Variants in NRG3 observed in about 807,000 individuals in gnomAD.
The protein encoded by NRG3 is neuregulin 3.
NRG3 carries 31 observed loss-of-function variants against 66.9 expected under a neutral mutation model. The observed-to-expected ratio is 0.46, with a 90% CI of 0.35 to 0.63. NRG3 has a LOEUF of 0.63. Among genes scored for constraint, NRG3 ranks in the 20% least tolerant of loss-of-function variants. NRG3 has a pLI of 0.00. For synonymous variants in NRG3, 393 were observed against 359.4 expected (o/e 1.09, Z -1.06); for missense variants, 910 against 878.9 (o/e 1.04, Z -0.45).
intron 2 of NRG3, among the ~76,000 whole-genome samples, chr10:82,449,791 GT>G (rs1310788637): frequency 1.3e-5 from 2 of 152,012 alleles, no homozygotes; most frequent in Non-Finnish European, 2.9e-5. Context: ...AATCATATAC[GT>G]TTTTTTGAGC....
intron 1 of NRG3, among the ~76,000 whole-genome samples, chr10:82,289,727 ATT>A (rs1308767017): frequency 6.6e-6 from 1 of 152,162 alleles, no homozygotes; most frequent in Admixed American, 6.5e-5. Context: ...AATGAAAGCC[ATT>A]TTTCCTCAAT....
At chr10:82,097,662 G>A (rs943219555) in intron 1 of NRG3, among the ~76,000 whole-genome samples, 4 of 151,790 alleles carry the variant, frequency 2.6e-5, no homozygotes, top group African/African-American at 9.7e-5. Context: ...TATGATACAT[G>A]CATGTTTAAC....
intron 2 of NRG3, among the ~76,000 whole-genome samples, chr10:82,722,101 G>T (rs1479368679): frequency 6.6e-6 from 1 of 152,156 alleles, no homozygotes; most frequent in Non-Finnish European, 1.5e-5. Context: ...ATAAGTCTTT[G>T]CTTTTTAAGA....
chr10:82,212,021 A>G (rs1485016120), intron 1 of NRG3, among the ~76,000 whole-genome samples: 2 of 152,162 alleles, frequency 1.3e-5, no homozygotes, highest in Non-Finnish European at 1.5e-5. Flanking sequence ...CAGGAGGCAT[A>G]TATTTTAGTT....
chr10:82,647,315 C>T (rs889924048), intron 2 of NRG3, among the ~76,000 whole-genome samples: 10 of 152,138 alleles, frequency 6.6e-5, no homozygotes, highest in Non-Finnish European at 1.3e-4. Flanking sequence ...TCATCCTTGT[C>T]CCTACAAAGG....
At chr10:82,215,963 C>CTTTTTTTTTTTTTT (rs71894841) in intron 1 of NRG3, among the ~76,000 whole-genome samples, 1 of 89,722 alleles carries the variant, frequency 1.1e-5, no homozygotes, top group African/African-American at 4.6e-5. Flanking sequence ...TTATGTTTTC[C>CTTTTTTTTTTTTTT]TTTTTTTTTT....
intron 3 of NRG3, among the ~76,000 whole-genome samples, chr10:82,822,875 G>A (rs1434928615): frequency 6.6e-6 from 1 of 151,896 alleles, no homozygotes; most frequent in Non-Finnish European, 1.5e-5. Context: ...AAAGCTCAAA[G>A]CTTCAAAATA....
At chr10:82,306,804 C>A (rs7894092) in intron 1 of NRG3, among the ~76,000 whole-genome samples, 33,541 of 141,874 alleles carry the variant, frequency 0.24, 4,084 homozygotes, top group Admixed American at 0.29. Flanking sequence ...GGGAAGGGTT[C>A]TTTGACAACT....
intron 1 of NRG3, among the ~76,000 whole-genome samples, chr10:82,134,440 G>A (rs967532126): frequency 2.6e-5 from 4 of 152,072 alleles, no homozygotes; most frequent in East Asian, 3.9e-4. Context: ...TTGGTATATC[G>A]TATAAGGAAA....
chr10:82,019,487 G>T lies in NRG3; in HGVS notation c.823+143324G>T, dbSNP rs1367677068. ...AGGGAGGATTCCCTCTTTTTCTATT[G>T]ATTGGAATAGTTTCAGAAGGAATGG... On this transcript the variant is annotated intron_variant, in intron 1 of 8. Coordinates refer to ENST00000372141, the MANE Select transcript of NRG3 (RefSeq NM_001010848.4). Among the ~76,000 whole-genome samples the T allele has an allele frequency of 2.6e-5, 4 of 152,198 alleles. No homozygotes were observed. In the East Asian group the frequency reaches 7.7e-4, roughly 29 times the overall value.
chr10:82,742,163 T>A (rs1424779899), intron 3 of NRG3, among the ~76,000 whole-genome samples: 4 of 152,274 alleles, frequency 2.6e-5, no homozygotes, highest in Non-Finnish European at 4.4e-5. Flanking sequence ...GTGAAATCCC[T>A]ATTAGCAGGG....
Position 82,045,423 on chromosome 10 carries a change from T to G in NRG3, c.823+169260T>G, listed in dbSNP as rs1398848777. The stretch of plus-strand genomic sequence containing the variant: ...ACTTTTTGATGGGGTTGTTTGTTTT[T>G]TTCTTGTAAATTTGTTTGAGTTCTT... On this transcript the variant is annotated intron_variant, in intron 1 of 8. Transcript: ENST00000372141. 3.4e-3 allele frequency among the ~76,000 whole-genome samples: 319 copies of G among 93,836 alleles called. 4 individuals are homozygous for G. Among genetic ancestry groups the G allele is most frequent in the East Asian group, 0.025 (72 of 2,906 alleles). The allele number at this position is 93,836 out of a possible 152,430, so 61.6% of individuals were successfully genotyped here.
intron 1 of NRG3, among the ~76,000 whole-genome samples, chr10:82,032,840 C>T (rs935679539): frequency 6.6e-6 from 1 of 152,032 alleles, no homozygotes; most frequent in African/African-American, 2.4e-5. Flanking sequence ...TAAGTAGTTT[C>T]CAGGGCACAT....
intron 1 of NRG3, among the ~76,000 whole-genome samples, chr10:81,991,809 TA>T (rs1328252802): frequency 6.6e-6 from 1 of 152,152 alleles, no homozygotes; most frequent in African/African-American, 2.4e-5. Context: ...TTAAGTAAAA[TA>T]ATATCTATCA....
intron 1 of NRG3, among the ~76,000 whole-genome samples, chr10:82,076,554 T>C (rs1475157761): frequency 6.6e-6 from 1 of 152,160 alleles, no homozygotes; most frequent in Non-Finnish European, 1.5e-5. Context: ...TGGGAGGTGT[T>C]TGTATCAGGG....
chr10:82,443,293 T>A (rs1426946317), intron 2 of NRG3, among the ~76,000 whole-genome samples: 3 of 152,080 alleles, frequency 2.0e-5, no homozygotes, highest in African/African-American at 7.2e-5. Context: ...AACCACCAGC[T>A]TCGGTAATTT....
At chr10:82,427,801 A>G (rs2089542085) in intron 2 of NRG3, among the ~76,000 whole-genome samples, 1 of 152,004 alleles carries the variant, frequency 6.6e-6, no homozygotes, top group South Asian at 2.1e-4. Flanking sequence ...TCATCTTTAA[A>G]CATTTGGTAG....
At chr10:82,616,188 T>A (rs758012121) in intron 2 of NRG3, among the ~76,000 whole-genome samples, 7 of 152,184 alleles carry the variant, frequency 4.6e-5, no homozygotes, top group Non-Finnish European at 8.8e-5. Context: ...ATTAAAATAA[T>A]CTTCTTTTGC....
chr10:82,192,628 C>T (rs945219802), intron 1 of NRG3, among the ~76,000 whole-genome samples: 1 of 152,182 alleles, frequency 6.6e-6, no homozygotes, highest in Admixed American at 6.5e-5. Context: ...TCCTGCATCC[C>T]ATTGTCCCTA....
Sources: allele counts gnomAD v4.1 joint callset (sites outside exome capture counted in the v4.1 genomes callset), GRCh38; gene constraint gnomAD v4.1.1; transcripts MANE v1.5; gene names NCBI Gene and HGNC (gene_info 2026-07-23, HGNC 2026-07-21).